MLIP: variants seen among roughly 807,000 people sequenced by gnomAD.
MLIP encodes the protein muscular LMNA-interacting protein.
In MLIP, 79 loss-of-function variants were observed where a neutral mutation model predicts 84.8. That is an observed-to-expected ratio of 0.93 (90% CI 0.78 to 1.12). MLIP has a LOEUF of 1.12. Ranked by LOEUF, MLIP falls within the 50% of genes most tolerant of loss-of-function variation. The pLI, the probability that MLIP is intolerant of heterozygous loss-of-function variation, is 0.00. For missense variants in MLIP, 1,257 were observed against 1,160.6 expected, an observed-to-expected ratio of 1.08 and a Z score of -1.21; for synonymous variants, 504 against 463.0, an observed-to-expected ratio of 1.09 and a Z score of -1.14.
chr6:54,049,381 G>C (rs929231826), intron 1 of MLIP, among the ~76,000 whole-genome samples: 1 of 152,058 alleles, frequency 6.6e-6, no homozygotes, highest in African/African-American at 2.4e-5. Context: ...ACTTCTGCTG[G>C]GTCAGTGCTC....
rs777175746 is a variant in MLIP at position 54,137,237 on chromosome 6, A to T, written c.1168A>T (p.Thr390Ser). 1 of 1,535,676 alleles carries T rather than the reference A, an allele frequency of 6.5e-7. No homozygotes were observed. Among genetic ancestry groups the T allele is most frequent in the Non-Finnish European group, 8.7e-7 (1 of 1,146,834 alleles). Reference sequence around the variant, plus strand: ...CTCCTCTTTCCACGGCTCTTCTTCCACCATCTGCAGCCAAATGTCATCTAG... The same window carrying T: ...CTCCTCTTTCCACGGCTCTTCTTCCTCCATCTGCAGCCAAATGTCATCTAG... Reference protein sequence around the residue: ...FTSSFHGSSSTICSQMSSSGN... With the variant: ...FTSSFHGSSSSICSQMSSSGN... The change falls in exon 4 of 14, where the codon ACC becomes TCC. Residue 390 changes from threonine to serine, a missense_variant. Thr to Ser is a moderately conservative substitution (Grantham distance 58). Coordinates refer to ENST00000502396, the MANE Select transcript of MLIP (RefSeq NM_001281747.2).
intron 12 of MLIP, among the ~76,000 whole-genome samples, chr6:54,235,124 A>G (rs762520414): frequency 4.6e-5 from 7 of 152,198 alleles, no homozygotes; most frequent in Non-Finnish European, 1.0e-4. Flanking sequence ...AACTTGATTC[A>G]TCTGTTATGC....
intron 12 of MLIP, among the ~76,000 whole-genome samples, chr6:54,233,176 TC>T (rs889435400): frequency 6.6e-6 from 1 of 152,172 alleles, no homozygotes; most frequent in African/African-American, 2.4e-5. Flanking sequence ...TACTTTCTTT[TC>T]TTTTTTTTGT....
intron 9 of MLIP, among the ~76,000 whole-genome samples, chr6:54,179,679 G>A (rs950119836): frequency 2.6e-5 from 4 of 151,958 alleles, no homozygotes; most frequent in Non-Finnish European, 5.9e-5. Flanking sequence ...CATGCAAAAC[G>A]AAAACTAATA....
At chr6:54,075,438 T>C (rs1766744515) in intron 1 of MLIP, among the ~76,000 whole-genome samples, 1 of 152,100 alleles carries the variant, frequency 6.6e-6, no homozygotes, top group Non-Finnish European at 1.5e-5. Context: ...ACCAATTTGA[T>C]CAAATTCTTC....
intron 13 of MLIP, among the ~76,000 whole-genome samples, chr6:54,264,224 G>A (rs574463832): frequency 6.6e-6 from 1 of 152,116 alleles, no homozygotes; most frequent in Admixed American, 6.6e-5. Context: ...TTATATTTCA[G>A]AGGGAACTTA....
At chr6:54,161,353 T>G (rs900984422) in intron 8 of MLIP, among the ~76,000 whole-genome samples, 23 of 151,982 alleles carry the variant, frequency 1.5e-4, no homozygotes, top group Admixed American at 3.3e-4. Context: ...TATTTTAGAT[T>G]GTTAGAGTAC....
chr6:54,210,246 C>T (rs1201629033), intron 11 of MLIP, among the ~76,000 whole-genome samples: 2 of 152,154 alleles, frequency 1.3e-5, no homozygotes, highest in Non-Finnish European at 2.9e-5. Flanking sequence ...GCTCAATGGA[C>T]TTTGAATTGT....
chr6:54,076,027 CACTG>C (rs1307848206), intron 1 of MLIP, among the ~76,000 whole-genome samples: 1 of 151,706 alleles, frequency 6.6e-6, no homozygotes, highest in African/African-American at 2.4e-5. Context: ...ATTGGATTAA[CACTG>C]TTGTTCAATA....
At chr6:54,202,653 G>A (rs1778774917) in intron 11 of MLIP, among the ~76,000 whole-genome samples, 1 of 152,112 alleles carries the variant, frequency 6.6e-6, no homozygotes, top group Admixed American at 6.5e-5. Flanking sequence ...AGCACTTTGG[G>A]AAGCCAAGGC....
chr6:54,226,163 T>A (rs1780557571), intron 11 of MLIP, among the ~76,000 whole-genome samples: 1 of 152,308 alleles, frequency 6.6e-6, no homozygotes, highest in Non-Finnish European at 1.5e-5. Context: ...AAATTCATAT[T>A]TCTTCTTGAC....
intron 1 of MLIP, among the ~76,000 whole-genome samples, chr6:54,040,822 C>G (rs374043032): frequency 6.6e-6 from 1 of 151,920 alleles, no homozygotes; most frequent in African/African-American, 2.4e-5. Context: ...AAACAGAAAA[C>G]CAAATACTGC....
In MLIP at chr6:54,209,973, A is replaced by G. The variant is rs1490592977; in HGVS notation, c.2718+7740A>G. Reference sequence around the variant, plus strand: ...GTTTTCCTATACATTCATCTGTGTGAAAGCCTTTTTCTTCTTTGATTTAAA... The same window carrying G: ...GTTTTCCTATACATTCATCTGTGTGGAAGCCTTTTTCTTCTTTGATTTAAA... On this transcript the variant is annotated intron_variant, in intron 11 of 13. Coordinates refer to ENST00000502396, the MANE Select transcript of MLIP (RefSeq NM_001281747.2). 5.9e-5 allele frequency among the ~76,000 whole-genome samples: 9 copies of G among 151,638 alleles called. No homozygotes were observed. In the East Asian group the frequency reaches 1.7e-3, roughly 29 times the overall value.
intron 1 of MLIP, among the ~76,000 whole-genome samples, chr6:54,025,883 C>T (rs2150270620): frequency 6.6e-6 from 1 of 152,316 alleles, no homozygotes; most frequent in Middle Eastern, 3.4e-3. Context: ...CTCCACTTGG[C>T]ACATCGCCCA....
chr6:54,073,257 C>G (rs1465011940), intron 1 of MLIP, among the ~76,000 whole-genome samples: 1 of 152,166 alleles, frequency 6.6e-6, no homozygotes, highest in East Asian at 1.9e-4. Flanking sequence ...TATCAGCTTT[C>G]AGGTTTTCGT....
At chr6:54,043,970 C>T (rs540093082) in intron 1 of MLIP, among the ~76,000 whole-genome samples, 91 of 152,198 alleles carry the variant, frequency 6.0e-4, no homozygotes, top group Non-Finnish European at 2.2e-4. Context: ...GGAACCAAGA[C>T]GAGTCAGATC....
At chr6:54,081,615 G>A (rs887390154) in intron 1 of MLIP, among the ~76,000 whole-genome samples, 1 of 152,058 alleles carries the variant, frequency 6.6e-6, no homozygotes, top group East Asian at 1.9e-4. Flanking sequence ...GTTTCACCAT[G>A]TTGGCCGGGC....
intron 4 of MLIP, among the ~76,000 whole-genome samples, chr6:54,140,231 A>G (rs993980343): frequency 1.3e-5 from 2 of 152,136 alleles, no homozygotes; most frequent in Admixed American, 6.5e-5. Flanking sequence ...AAGCATTTCT[A>G]TGTGTGTTTC....
chr6:54,029,109 A>C (rs759895962), intron 1 of MLIP: 8 of 152,196 alleles, frequency 5.3e-5, no homozygotes, highest in Non-Finnish European at 7.4e-5. Flanking sequence ...AAGCCCCTCA[A>C]TTTATTTTAA....
Sources: gnomAD v4.1 joint callset for allele counts (sites outside exome capture counted in the v4.1 genomes callset) on GRCh38, gnomAD v4.1.1 for gene constraint, MANE v1.5 for transcripts, NCBI Gene and HGNC (gene_info 2026-07-23, HGNC 2026-07-21) for gene names.